CNTN4: variants seen among roughly 807,000 people sequenced by gnomAD.
CNTN4 encodes contactin-4.
Under a neutral mutation model 122.5 loss-of-function variants are expected in CNTN4, and 77 were observed. That is an observed-to-expected ratio of 0.63 (90% CI 0.52 to 0.76). The LOEUF (loss-of-function observed/expected upper bound fraction) is 0.76, where lower values mean the gene tolerates loss of function less well. CNTN4 is among the 30% of genes least tolerant of loss of function. The pLI is 0.00. For missense variants in CNTN4, 1,256 were observed against 1,259.1 expected (o/e 1.00, Z 0.04); for synonymous variants, 512 against 447.0 (o/e 1.15, Z -1.83).
In CNTN4 at chr3:2,521,910, G is replaced by A. The variant is rs142389964; in HGVS notation, c.-88-49506G>A. ...CATCATCAGAGGCGCAAAAGTAATC[G>A]TGCTTATCACTAAAGAGAGTTGGCT... On this transcript the variant is annotated intron_variant, in intron 3 of 24. Transcript: ENST00000418658. Among the ~76,000 whole-genome samples the A allele has an allele frequency of 3.3e-3, 498 of 152,156 alleles. 2 individuals carry two copies. In the Middle Eastern group the frequency reaches 0.038, roughly 12 times the overall value.
intron 3 of CNTN4, among the ~76,000 whole-genome samples, chr3:2,438,159 T>C (rs1426145432): frequency 2.0e-5 from 3 of 152,220 alleles, no homozygotes; most frequent in South Asian, 2.1e-4. Flanking sequence ...TCGCCCTTTA[T>C]TTCTTTCACC....
intron 6 of CNTN4, among the ~76,000 whole-genome samples, chr3:2,807,352 AT>A (rs1196568290): frequency 5.3e-5 from 8 of 152,278 alleles, no homozygotes; most frequent in African/African-American, 1.9e-4. Context: ...ATATTTGACG[AT>A]GGTTTTATTT....
chr3:2,979,743 G>A (rs1693783211), intron 13 of CNTN4, among the ~76,000 whole-genome samples: 1 of 152,064 alleles, frequency 6.6e-6, no homozygotes, highest in Non-Finnish European at 1.5e-5. Context: ...TTGTTGAAAG[G>A]AAATGATCAC....
intron 10 of CNTN4, 92 bp from the exon 11 acceptor site, chr3:2,900,593 T>TAAG: frequency 1.5e-6 from 2 of 1,373,258 alleles, no homozygotes; most frequent in Non-Finnish European, 2.1e-6. Flanking sequence ...AATTTTATTA[T>TAAG]AAGTGTACTT....
intron 3 of CNTN4, among the ~76,000 whole-genome samples, chr3:2,419,347 A>G (rs2047533648): frequency 2.0e-5 from 3 of 152,168 alleles, no homozygotes; most frequent in East Asian, 3.9e-4. Context: ...GTTAATAAAG[A>G]ACTTGGAATC....
At chr3:2,452,108 CAT>C (rs1357316575) in intron 3 of CNTN4, among the ~76,000 whole-genome samples, 1 of 152,118 alleles carries the variant, frequency 6.6e-6, no homozygotes, top group African/African-American at 2.4e-5. Flanking sequence ...CCAGAATTGA[CAT>C]AAAGTGTTAG....
At chr3:2,424,607 T>C (rs2047746657) in intron 3 of CNTN4, among the ~76,000 whole-genome samples, 1 of 152,174 alleles carries the variant, frequency 6.6e-6, no homozygotes, top group South Asian at 2.1e-4. Flanking sequence ...GATCAAATGG[T>C]ATTTCTAGTT....
intron 4 of CNTN4, among the ~76,000 whole-genome samples, chr3:2,688,599 T>C: frequency 6.6e-6 from 1 of 152,240 alleles, no homozygotes; most frequent in East Asian, 1.9e-4. Context: ...GAGCCCACAC[T>C]TATTAACACA....
At chr3:2,521,038 C>T (rs1300460741) in intron 3 of CNTN4, among the ~76,000 whole-genome samples, 4 of 152,036 alleles carry the variant, frequency 2.6e-5, no homozygotes, top group African/African-American at 9.7e-5. Context: ...TTCTCCAAGC[C>T]ACCCTTTGGA....
chr3:2,391,558 C>T lies in CNTN4; in HGVS notation c.-89+52325C>T, dbSNP rs57308119. 4.7e-3 allele frequency among the ~76,000 whole-genome samples: 720 copies of T among 152,208 alleles called. 7 individuals carry two copies. The highest frequency in any genetic ancestry group is 0.017 in the African/African-American group (692 of 41,526). ...TAACTCATGTTCTTCTAACATATCCCCCACACAATATGAGTGAACTGAGCC... is the reference window on the plus strand; with the variant it reads ...TAACTCATGTTCTTCTAACATATCCTCCACACAATATGAGTGAACTGAGCC... On this transcript the variant is annotated intron_variant, in intron 3 of 24. Transcript: ENST00000418658.
At chr3:2,870,907 C>T (rs150776746) in intron 8 of CNTN4, among the ~76,000 whole-genome samples, 9 of 152,274 alleles carry the variant, frequency 5.9e-5, no homozygotes, top group African/African-American at 1.4e-4. Flanking sequence ...TGAACCTTGG[C>T]TCAGTTCCTA....
At chr3:2,255,940 A>G (rs571608384) in intron 2 of CNTN4, among the ~76,000 whole-genome samples, 1 of 152,322 alleles carries the variant, frequency 6.6e-6, no homozygotes, top group African/African-American at 2.4e-5. Flanking sequence ...AACTAAGATC[A>G]GAGCAGAACT....
chr3:2,985,791 G>A (rs1694504680), intron 13 of CNTN4, among the ~76,000 whole-genome samples: 1 of 151,956 alleles, frequency 6.6e-6, no homozygotes, highest in South Asian at 2.1e-4. Flanking sequence ...ATTGTCAGAA[G>A]TAACAGTCAA....
chr3:2,526,636 T>A (rs1286387135), intron 3 of CNTN4, among the ~76,000 whole-genome samples: 4 of 152,162 alleles, frequency 2.6e-5, no homozygotes, highest in Admixed American at 6.6e-5. Flanking sequence ...AAACCAATCA[T>A]GTACTTTTTT....
chr3:2,715,357 A>G (rs1462018625), intron 4 of CNTN4, among the ~76,000 whole-genome samples: 1 of 152,240 alleles, frequency 6.6e-6, no homozygotes, highest in Non-Finnish European at 1.5e-5. Flanking sequence ...AAATTTCTTC[A>G]TAGCATCATT....
chr3:2,254,637 C>T (rs1000784381), intron 2 of CNTN4, among the ~76,000 whole-genome samples: 5 of 152,106 alleles, frequency 3.3e-5, no homozygotes, highest in African/African-American at 1.2e-4. Context: ...TCTCTAATGA[C>T]CAGGGATGAT....
At chr3:2,973,321 A>G (rs540179427) in intron 13 of CNTN4, among the ~76,000 whole-genome samples, 2 of 152,158 alleles carry the variant, frequency 1.3e-5, no homozygotes, top group East Asian at 1.9e-4. Context: ...ACTTAAGCAC[A>G]TAGCAGGCTT....
intron 2 of CNTN4, among the ~76,000 whole-genome samples, chr3:2,222,627 G>C (rs955656899): frequency 2.0e-5 from 3 of 151,512 alleles, no homozygotes; most frequent in African/African-American, 7.3e-5. Context: ...TAAAACTCTT[G>C]AGGGATATAA....
At chr3:2,220,494 T>C (rs2039020159) in intron 2 of CNTN4, among the ~76,000 whole-genome samples, 1 of 152,168 alleles carries the variant, frequency 6.6e-6, no homozygotes, top group Non-Finnish European at 1.5e-5. Flanking sequence ...TGTATCTGTC[T>C]ACTTTGTCAA....
Sources: allele counts gnomAD v4.1 joint callset (sites outside exome capture counted in the v4.1 genomes callset), GRCh38; gene constraint gnomAD v4.1.1; transcripts MANE v1.5; gene names NCBI Gene and HGNC (gene_info 2026-07-23, HGNC 2026-07-21).